Variants in ELL observed in about 807,000 individuals in gnomAD.
ELL encodes the protein elongation factor for RNA polymerase II, also known as RNA polymerase II elongation factor ELL.
A neutral mutation model predicts 64.0 loss-of-function variants in ELL; 18 were observed. The observed-to-expected ratio is 0.28, with a 90% CI of 0.19 to 0.42. The LOEUF (loss-of-function observed/expected upper bound fraction) is 0.42, where lower values mean the gene tolerates loss of function less well. Ranked by LOEUF, ELL falls within the 10% of genes least tolerant of loss-of-function variation. The pLI, the probability that ELL is intolerant of heterozygous loss-of-function variation, is 1.00. For missense variants in ELL, 797 were observed against 870.4 expected, an observed-to-expected ratio of 0.92 and a Z score of 1.06; for synonymous variants, 399 against 376.2, an observed-to-expected ratio of 1.06 and a Z score of -0.70.
At chr19:18,459,078 G>T (rs1228238440) in intron 5 of ELL, among the ~76,000 whole-genome samples, 1 of 152,088 alleles carries the variant, frequency 6.6e-6, no homozygotes, top group African/African-American at 2.4e-5. Context: ...TAGGATCTCA[G>T]TATTTTGCAT....
intron 1 of ELL, among the ~76,000 whole-genome samples, chr19:18,474,370 G>A (rs1170792907): frequency 3.9e-5 from 6 of 152,188 alleles, no homozygotes; most frequent in African/African-American, 1.2e-4. Flanking sequence ...TCTACCAGGA[G>A]CCCCCTTCTT....
chr19:18,478,045 C>T (rs1359104586), intron 1 of ELL, among the ~76,000 whole-genome samples: 1 of 152,072 alleles, frequency 6.6e-6, no homozygotes, highest in East Asian at 1.9e-4. Context: ...AGGTGAGTGT[C>T]GGCTGCAGAC....
chr19:18,466,100 C>T (rs962337073), intron 2 of ELL, among the ~76,000 whole-genome samples, 182 bp from the exon 3 acceptor site: 2 of 152,188 alleles, frequency 1.3e-5, no homozygotes, highest in Non-Finnish European at 2.9e-5. Context: ...CTCAGCAACA[C>T]ACACTGCGTA....
intron 1 of ELL, among the ~76,000 whole-genome samples, chr19:18,510,106 G>A (rs1417886532): frequency 6.6e-6 from 1 of 152,184 alleles, no homozygotes; most frequent in Non-Finnish European, 1.5e-5. Flanking sequence ...GATGGCTCAC[G>A]CCTGTAATCC....
In ELL at chr19:18,450,838, G is replaced by A; in HGVS notation, c.1104C>T (p.Thr368=). 6.3e-7 allele frequency: 1 copy of A among 1,591,180 alleles called. No homozygotes were observed. Among genetic ancestry groups the A allele is most frequent in the Non-Finnish European group, 8.6e-7 (1 of 1,167,512 alleles). The part of the protein sequence containing the change: ...VPNGREALLP[T]PGPPASTDTL... ...TGTCCGTGCTGGCTGGTGGGCCCGG[G>A]GTGGGCAGCAAGGCCTCACGGCCAT... Residue 368 remains threonine (T), a synonymous_variant, in exon 8 of 12, where the codon ACC becomes ACT. Coordinates refer to ENST00000262809, the MANE Select transcript of ELL (RefSeq NM_006532.4).
chr19:18,521,883 A>C, intron 1 of ELL, 38 bp downstream of exon 1: 1 of 1,546,172 alleles, frequency 6.5e-7, no homozygotes, highest in East Asian at 2.5e-5. Context: ...CCGCGTCCGG[A>C]CGTTCCCCAC....
chr19:18,518,058 T>C (rs1294008139), intron 1 of ELL, among the ~76,000 whole-genome samples: 1 of 150,494 alleles, frequency 6.6e-6, no homozygotes, highest in Non-Finnish European at 1.5e-5. Flanking sequence ...CCGTCTCCAC[T>C]AAAAGTACAA....
chr19:18,509,238 A>C (rs1442703183), intron 1 of ELL, among the ~76,000 whole-genome samples: 1 of 152,126 alleles, frequency 6.6e-6, no homozygotes, highest in Admixed American at 6.5e-5. Flanking sequence ...TCCTTATCAC[A>C]GTGCCCACTG....
At chr19:18,513,178 G>C (rs1288101019) in intron 1 of ELL, among the ~76,000 whole-genome samples, 1 of 152,156 alleles carries the variant, frequency 6.6e-6, no homozygotes, top group Non-Finnish European at 1.5e-5. Context: ...TCATACTCCA[G>C]GCTCCACTCA....
Position 18,449,886 on chromosome 19 carries a change from G to A in ELL, c.1465+591C>T, listed in dbSNP as rs1392509790. Among the ~76,000 whole-genome samples, 1 of 152,210 alleles carries A rather than the reference G, an allele frequency of 6.6e-6. No homozygotes were observed. The highest frequency in any genetic ancestry group is 2.4e-5 in the African/African-American group (1 of 41,448). On this transcript the variant is annotated intron_variant, in intron 8 of 11. Transcript: ENST00000262809. The surrounding 1 kb of genome is among the most constrained non-coding windows in gnomAD (Gnocchi z 4.4). ...TGCTCAGTTTAGGTGCCTGGGCTGT[G>A]GTCTCGGAGCCGCCCAGGTCTCCTG...
chr19:18,513,471 C>T (rs928989849), intron 1 of ELL, among the ~76,000 whole-genome samples: 2 of 152,186 alleles, frequency 1.3e-5, no homozygotes, highest in Non-Finnish European at 2.9e-5. Flanking sequence ...ACTATGACAA[C>T]ACGGTACACC....
rs1020807428 is a variant in ELL, at chr19:18,465,279, G to A, written c.469+133C>T. On this transcript the variant is annotated intron_variant, in intron 4 of 11. Transcript: ENST00000262809. ...CTCTGGTCCAGGCACGTCCTGCTCA[G>A]GGACCGACTCCTCGGTTGACCCATC... 2.8e-5 allele frequency: 37 copies of A among 1,300,748 alleles called. No homozygotes were observed. The Admixed American group carries it at 1.1e-3, about 37-fold the overall frequency. 80.6% of individuals were successfully genotyped at this position (1,300,748 alleles called of 1,614,324 possible).
intron 1 of ELL, among the ~76,000 whole-genome samples, chr19:18,482,869 C>T (rs1975335130): frequency 6.6e-6 from 1 of 152,010 alleles, no homozygotes; most frequent in Non-Finnish European, 1.5e-5. Context: ...CAGCTCACTG[C>T]AGCCACAGTC....
intron 2 of ELL, 70 bp from the exon 3 acceptor site, chr19:18,465,988 G>C: frequency 8.1e-7 from 1 of 1,235,972 alleles, no homozygotes; most frequent in Non-Finnish European, 1.0e-6. Context: ...GCATCTTCCT[G>C]CATGAGTCCC....
At chr19:18,509,600 C>T (rs1975970023) in intron 1 of ELL, among the ~76,000 whole-genome samples, 1 of 12,278 alleles carries the variant, frequency 8.1e-5, no homozygotes, top group Admixed American at 6.0e-4. Context: ...CGCGCACATA[C>T]ACACACACAC....
At chr19:18,462,416 C>T (rs1429272760) in intron 4 of ELL, among the ~76,000 whole-genome samples, 1 of 138,606 alleles carries the variant, frequency 7.2e-6, no homozygotes, top group Non-Finnish European at 1.5e-5. Flanking sequence ...AGACAGGATC[C>T]TGCTCTGTCA....
At chr19:18,494,177 T>C (rs1975594997) in intron 1 of ELL, among the ~76,000 whole-genome samples, 1 of 150,878 alleles carries the variant, frequency 6.6e-6, no homozygotes, top group Non-Finnish European at 1.5e-5. Flanking sequence ...TAGTGAGCTG[T>C]GATCAAGCTA....
chr19:18,499,237 A>G (rs1049741162), intron 1 of ELL, among the ~76,000 whole-genome samples: 1 of 152,064 alleles, frequency 6.6e-6, no homozygotes, highest in African/African-American at 2.4e-5. Context: ...TGAAAGCAAA[A>G]CTTCTATCTT....
Position 18,461,048 on chromosome 19 carries a change from G to A in ELL, c.744+530C>T, listed in dbSNP as rs563348361. Reference sequence around the variant, plus strand: ...TGTTTCTCAAGAGCAGGCTCCACTCGCCAGCACCACATTCCAGATGGCCTA... The same window carrying A: ...TGTTTCTCAAGAGCAGGCTCCACTCACCAGCACCACATTCCAGATGGCCTA... On this transcript the variant is annotated intron_variant, in intron 5 of 11. Transcript: ENST00000262809. Among the ~76,000 whole-genome samples the A allele has an allele frequency of 1.3e-4, 20 of 152,266 alleles. No individual in the cohort carries two copies. The South Asian group carries it at 4.1e-3, about 32-fold the overall frequency.
Sources: gnomAD v4.1 joint callset for allele counts (sites outside exome capture counted in the v4.1 genomes callset) on GRCh38, gnomAD v4.1.1 for gene constraint, Gnocchi (gnomAD v3.1) non-coding constraint, MANE v1.5 for transcripts, NCBI Gene and HGNC (gene_info 2026-07-23, HGNC 2026-07-21) for gene names.